DAB2IP: variants seen among roughly 807,000 people sequenced by gnomAD.
DAB2IP encodes disabled homolog 2-interacting protein.
In DAB2IP, 28 loss-of-function variants were observed where a neutral mutation model predicts 107.2. The ratio of observed to expected loss-of-function variants is 0.26; its 90% CI spans 0.19 to 0.36. DAB2IP has a LOEUF of 0.36. Among genes scored for constraint, DAB2IP ranks in the 10% least tolerant of loss-of-function variants. DAB2IP has a pLI of 1.00. For synonymous variants in DAB2IP, 755 were observed against 706.4 expected, an observed-to-expected ratio of 1.07 and a Z score of -1.09; for missense variants, 1,400 against 1,644.7, an observed-to-expected ratio of 0.85 and a Z score of 2.57.
Position 121,768,869 on chromosome 9 carries a change from C to G in DAB2IP, c.1899+236C>G, listed in dbSNP as rs1048940885. Among the ~76,000 whole-genome samples, 7 of 152,224 alleles carry G rather than the reference C, an allele frequency of 4.6e-5. No individual in the cohort carries two copies. In the East Asian group the frequency reaches 5.8e-4, roughly 13 times the overall value. ...CTCTGGGTACTAGAGCTGGGGTGTT[C>G]CGCATGCACTCAGCCTTTAGTGGAC... On this transcript the variant is annotated intron_variant, in intron 10 of 15. Coordinates refer to ENST00000408936, the Ensembl canonical transcript of DAB2IP.
rs377177166 is a variant in DAB2IP at position 121,774,124 on chromosome 9, C to T, written c.2968-136C>T. 151 of 1,005,576 alleles carry T rather than the reference C, an allele frequency of 1.5e-4. 1 individual carries two copies. The highest frequency in any genetic ancestry group is 1.9e-4 in the Non-Finnish European group (136 of 731,044). The allele number at this position is 1,005,576 out of a possible 1,614,324, so 62.3% of individuals were successfully genotyped here. On this transcript the variant is annotated intron_variant, in intron 12 of 15. Transcript: ENST00000408936. ...CCCGGGTGGGGACTGCCTCGGTAGGCGCTCAGTCAGCTGGAGGTCCCCTCT... is the reference window on the plus strand; with the variant it reads ...CCCGGGTGGGGACTGCCTCGGTAGGTGCTCAGTCAGCTGGAGGTCCCCTCT...
At chr9:121,644,374 A>G (rs1288373123) in intron 1 of DAB2IP, among the ~76,000 whole-genome samples, 2 of 152,178 alleles carry the variant, frequency 1.3e-5, no homozygotes, top group Non-Finnish European at 2.9e-5. Flanking sequence ...AGGCAGGTGG[A>G]TCACCTGAGG....
chr9:121,639,959 T>G (rs1298801361), intron 1 of DAB2IP, among the ~76,000 whole-genome samples: 1 of 152,128 alleles, frequency 6.6e-6, no homozygotes, highest in Non-Finnish European at 1.5e-5. Flanking sequence ...GTCTGCACTT[T>G]AACCCACATC....
In DAB2IP at chr9:121,636,954, C is replaced by A. The variant is rs537348821; in HGVS notation, c.41-41724C>A. 1.8e-4 allele frequency among the ~76,000 whole-genome samples: 27 copies of A among 152,270 alleles called. No homozygotes were observed. The South Asian group carries it at 5.6e-3, about 32-fold the overall frequency. On this transcript the variant is annotated intron_variant, in intron 1 of 16. Coordinates refer to the DAB2IP transcript ENST00000259371. ...TTGCCCTAGGTCACAGAGCTGAGAA[C>A]CCCCAGGGGTAGGATTTATCCCCTG...
intron 3 of DAB2IP, among the ~76,000 whole-genome samples, chr9:121,725,069 G>C (rs1196746901): frequency 6.6e-6 from 1 of 152,194 alleles, no homozygotes; most frequent in Non-Finnish European, 1.5e-5. Context: ...TCTTGTGCTG[G>C]CTTTGGTTCC....
chr9:121,591,015 C>T, intron 1 of DAB2IP, among the ~76,000 whole-genome samples: 1 of 152,198 alleles, frequency 6.6e-6, no homozygotes, highest in East Asian at 1.9e-4. Flanking sequence ...ATTAGGCTTC[C>T]ATTGGGAGAA....
chr9:121,701,852 G>A lies in DAB2IP; in HGVS notation c.362+2394G>A, dbSNP rs548743875. Among the ~76,000 whole-genome samples the A allele has an allele frequency of 2.6e-5, 4 of 152,290 alleles. No individual in the cohort carries two copies. The East Asian group carries it at 7.7e-4, about 29-fold the overall frequency. ...GTGTGGTTGTGATGTTGAAGGCTGG[G>A]AGGGCAGGATGGGCTGTCTTTGGCT... On this transcript the variant is annotated intron_variant, in intron 3 of 15. Transcript: ENST00000408936. The surrounding 1 kb of genome is among the most constrained non-coding windows in gnomAD (Gnocchi z 4.7).
chr9:121,675,399 G>T (rs185041894), intron 1 of DAB2IP, among the ~76,000 whole-genome samples: 1 of 152,278 alleles, frequency 6.6e-6, no homozygotes, highest in East Asian at 1.9e-4. Flanking sequence ...TCGGTGCCAA[G>T]GTGAGGAGTC....
intron 1 of DAB2IP, among the ~76,000 whole-genome samples, chr9:121,627,470 A>T (rs1459302413): frequency 6.6e-6 from 1 of 151,892 alleles, no homozygotes; most frequent in Non-Finnish European, 1.5e-5. Flanking sequence ...TATCTGAAGG[A>T]TAGCATGTAG....
intron 3 of DAB2IP, among the ~76,000 whole-genome samples, chr9:121,741,448 T>A (rs1832335113): frequency 6.6e-6 from 1 of 152,128 alleles, no homozygotes; most frequent in Admixed American, 6.5e-5. Context: ...GGCTTTAGGC[T>A]CTCGCTTCCC....
intron 1 of DAB2IP, among the ~76,000 whole-genome samples, chr9:121,594,664 A>T (rs12552375): frequency 0.24 from 36,161 of 152,106 alleles, 5,202 homozygotes; most frequent in South Asian, 0.39. Flanking sequence ...TGGGTCACTC[A>T]GTCCTTTTCT....
chr9:121,671,301 A>G (rs979800000), intron 1 of DAB2IP, among the ~76,000 whole-genome samples: 8 of 152,366 alleles, frequency 5.3e-5, no homozygotes, highest in South Asian at 2.1e-4. Flanking sequence ...GCACCACTGC[A>G]TTCCAGCCTG....
At chr9:121,765,814 C>T (rs1414233095) in intron 8 of DAB2IP, among the ~76,000 whole-genome samples, 1 of 152,202 alleles carries the variant, frequency 6.6e-6, no homozygotes, top group African/African-American at 2.4e-5. Context: ...ACCAGGAGCC[C>T]CATTGTCTAG....
rs538079714 is a variant in DAB2IP, at chr9:121,782,304, C to T, written c.3403-27C>T. On this transcript the variant is annotated intron_variant, in intron 15 of 15. Coordinates refer to ENST00000408936, the Ensembl canonical transcript of DAB2IP. The surrounding 1 kb of genome is among the most constrained non-coding windows in gnomAD (Gnocchi z 6.1). Reference sequence around the variant, plus strand: ...AGCCCTAAGGAGCCTGTCCCATGACCCCCGCTCACATCCCCATTGTCCACA... The same window carrying T: ...AGCCCTAAGGAGCCTGTCCCATGACTCCCGCTCACATCCCCATTGTCCACA... 6.2e-7 allele frequency: 1 copy of T among 1,608,560 alleles called. No homozygotes were observed. The highest frequency in any genetic ancestry group is 1.7e-5 in the Admixed American group (1 of 59,798).
intron 4 of DAB2IP, among the ~76,000 whole-genome samples, chr9:121,758,296 G>T (rs1342074516): frequency 6.6e-6 from 1 of 152,200 alleles, no homozygotes; most frequent in African/African-American, 2.4e-5. Flanking sequence ...AGAGAGGGAA[G>T]GAGAAGGGTC....
chr9:121,739,727 T>A (rs765718524), intron 3 of DAB2IP, among the ~76,000 whole-genome samples: 1 of 152,114 alleles, frequency 6.6e-6, no homozygotes, highest in Non-Finnish European at 1.5e-5. Flanking sequence ...CAGGCAAGCA[T>A]GGAGACACAT....
chr9:121,739,040 T>C (rs1188031702), intron 3 of DAB2IP, among the ~76,000 whole-genome samples: 2 of 152,262 alleles, frequency 1.3e-5, no homozygotes, highest in Admixed American at 6.5e-5. Context: ...AGTGCCTAAA[T>C]AGTGCTTGGC....
In DAB2IP at chr9:121,763,736, T is replaced by C. The variant is rs1834064465; in HGVS notation, c.1317T>C (p.Gly439=). 3 of 1,613,676 alleles carry C rather than the reference T, an allele frequency of 1.9e-6. No individual in the cohort carries two copies. In the South Asian group the frequency reaches 3.3e-5, roughly 18 times the overall value. ...CACTCCCTGCCCACTTGTCCATAGG[T>C]GAGTTCATCAAAGCGCTGTATGAGT... is the stretch of plus-strand genomic sequence containing the variant. The change falls in exon 8 of 16, where the codon GGT becomes GGC. Residue 439 remains glycine, a splice_region_variant and synonymous_variant. Transcript: ENST00000408936.
At chr9:121,653,096 C>T (rs1219134326) in intron 1 of DAB2IP, among the ~76,000 whole-genome samples, 1 of 147,280 alleles carries the variant, frequency 6.8e-6, no homozygotes, top group Non-Finnish European at 1.5e-5. Context: ...CCTGCCTTTC[C>T]TGAAGTCTTA....
Sources: allele counts gnomAD v4.1 joint callset (sites outside exome capture counted in the v4.1 genomes callset), GRCh38; gene constraint gnomAD v4.1.1; non-coding constraint Gnocchi (gnomAD v3.1); transcripts MANE v1.5; gene names NCBI Gene and HGNC (gene_info 2026-07-23, HGNC 2026-07-21).